The following GUCY1A1 variants were observed in gnomAD, a reference collection of about 807,000 sequenced individuals.
GUCY1A1 encodes guanylate cyclase 1 soluble subunit alpha 1, also known as guanylate cyclase soluble subunit alpha-1.
In GUCY1A1, 48 loss-of-function variants were observed where a neutral mutation model predicts 64.5. The ratio of observed to expected loss-of-function variants is 0.74; its 90% CI spans 0.59 to 0.95. The LOEUF (loss-of-function observed/expected upper bound fraction) is 0.95, where lower values mean the gene tolerates loss of function less well. GUCY1A1 is among the 40% of genes least tolerant of loss of function. The probability of loss-of-function intolerance (pLI) is 0.00; values close to 1 mark genes in which losing one functional copy is unlikely to be tolerated. For missense variants in GUCY1A1, 804 were observed against 825.3 expected, an observed-to-expected ratio of 0.97 and a Z score of 0.32; for synonymous variants, 308 against 303.4, an observed-to-expected ratio of 1.02 and a Z score of -0.16.
chr4:155,729,409 A>G (rs1303701949), intron 9 of GUCY1A1, among the ~76,000 whole-genome samples: 1 of 151,872 alleles, frequency 6.6e-6, no homozygotes, highest in East Asian at 1.9e-4. Flanking sequence ...ATAATGTGGT[A>G]AACAGATGAA....
intron 2 of GUCY1A1, among the ~76,000 whole-genome samples, chr4:155,687,799 C>T (rs578162661): frequency 9.9e-5 from 15 of 152,258 alleles, no homozygotes; most frequent in African/African-American, 2.4e-4. Context: ...TTAACTGCTA[C>T]GCCAACTCCA....
chr4:155,681,354 G>A (rs959658282), intron 2 of GUCY1A1, among the ~76,000 whole-genome samples: 1 of 152,050 alleles, frequency 6.6e-6, no homozygotes, highest in African/African-American at 2.4e-5. Context: ...ACAAATATAG[G>A]TAACAAAAGA....
chr4:155,711,426 T>A lies in GUCY1A1; in HGVS notation c.1086+175T>A. ...GAAAACAAAATTCTTTCTGCATTTGTTTGCTTACTTGATTCATTACTCCAA... is the reference window on the plus strand; with the variant it reads ...GAAAACAAAATTCTTTCTGCATTTGATTGCTTACTTGATTCATTACTCCAA... On this transcript the variant is annotated intron_variant, in intron 6 of 9. Coordinates refer to ENST00000506455, the MANE Select transcript of GUCY1A1 (RefSeq NM_001130682.3). The A allele has an allele frequency of 8.7e-6, 4 of 461,504 alleles. No homozygotes were observed. The East Asian group carries it at 1.3e-4, about 15-fold the overall frequency. 28.6% of individuals were successfully genotyped at this position (461,504 alleles called of 1,614,324 possible). A position where few individuals can be genotyped will look rare whatever the true frequency, so the allele number is the denominator to read the frequency against.
At position 155,734,800 on chromosome 4, in the gene GUCY1A1, A is replaced by G. The variant is rs1176932608; in HGVS notation, c.*4569A>G. On this transcript the variant is annotated 3_prime_UTR_variant, in exon 10 of 10. Coordinates refer to ENST00000506455, the MANE Select transcript of GUCY1A1 (RefSeq NM_001130682.3). ...CTTAACTTATTAAGCAGAGAAAACC[A>G]AAATGTCATTTTCAACCAAAATTGA... is the stretch of plus-strand genomic sequence containing the variant. The G allele has an allele frequency of 6.6e-6, 1 of 151,986 alleles. No homozygotes were observed. Among genetic ancestry groups the G allele is most frequent in the Non-Finnish European group, 1.5e-5 (1 of 67,938 alleles). The allele number at this position is 151,986 out of a possible 1,614,324, so 9.4% of individuals were successfully genotyped here.
chr4:155,672,017 CG>C (rs1485943097), intron 2 of GUCY1A1, among the ~76,000 whole-genome samples: 2 of 104,552 alleles, frequency 1.9e-5, no homozygotes, highest in African/African-American at 7.9e-5. Context: ...TTCCCCCCTC[CG>C]TTTTTTTTTT....
At chr4:155,674,359 A>AG (rs1440846921) in intron 2 of GUCY1A1, among the ~76,000 whole-genome samples, 7 of 151,214 alleles carry the variant, frequency 4.6e-5, no homozygotes, top group African/African-American at 1.7e-4. Context: ...ATCTAAAAAA[A>AG]AAAAAGAAAG....
In GUCY1A1 at chr4:155,710,917, C is replaced by A; in HGVS notation, c.752C>A (p.Pro251His). The A allele has an allele frequency of 6.2e-7, 1 of 1,614,044 alleles. No individual in the cohort carries two copies. Among genetic ancestry groups the A allele is most frequent in the East Asian group, 2.2e-5 (1 of 44,878 alleles). ...GATTGCAGCGAGTTTGTGAATCAGC[C>A]CTACTTGTTGTACTCCGTTCACATG... ...HNDCSEFVNQPYLLYSVHMKS... is the reference protein window; with the variant it reads ...HNDCSEFVNQHYLLYSVHMKS... The change falls in exon 6 of 10, where the codon CCC (proline) becomes CAC (histidine). Residue 251 changes from proline to histidine, a missense_variant. Transcript: ENST00000506455.
chr4:155,683,740 A>C (rs1736153529), intron 2 of GUCY1A1, among the ~76,000 whole-genome samples: 1 of 152,244 alleles, frequency 6.6e-6, no homozygotes, highest in African/African-American at 2.4e-5. Flanking sequence ...TATTAGCATG[A>C]TATATAGACG....
At chr4:155,701,392 C>A (rs1470568282) in intron 3 of GUCY1A1, among the ~76,000 whole-genome samples, 1 of 151,972 alleles carries the variant, frequency 6.6e-6, no homozygotes, top group African/African-American at 2.4e-5. Context: ...GGAAGGGGAC[C>A]ATTTCTCCTC....
At chr4:155,704,922 T>C (rs1672506680) in intron 4 of GUCY1A1, among the ~76,000 whole-genome samples, 1 of 152,184 alleles carries the variant, frequency 6.6e-6, no homozygotes, top group Non-Finnish European at 1.5e-5. Flanking sequence ...GGTCTTGCTC[T>C]GTCGCCTAGG....
rs201215034 is a variant in GUCY1A1, at chr4:155,697,131, G to T, written c.255+9G>T. On this transcript the variant is annotated intron_variant, in intron 3 of 9. Coordinates refer to ENST00000506455, the MANE Select transcript of GUCY1A1 (RefSeq NM_001130682.3). ...AACTGATTTTCCCAGAGGTGAGTGC[G>T]TGCTCTTTAGATTTTGAAATTGTAA... The T allele has an allele frequency of 6.2e-7, 1 of 1,601,078 alleles. No individual in the cohort carries two copies. Among genetic ancestry groups the T allele is most frequent in the Non-Finnish European group, 8.5e-7 (1 of 1,170,600 alleles).
chr4:155,711,924 A>T lies in GUCY1A1; in HGVS notation c.1086+673A>T, dbSNP rs575695778. Among the ~76,000 whole-genome samples the T allele has an allele frequency of 4.0e-3, 606 of 152,358 alleles. 5 individuals carry two copies. Among genetic ancestry groups the T allele is most frequent in the African/African-American group, 0.014 (582 of 41,588 alleles). ...AATAATAAAATATATTGAGATGTTT[A>T]AAAAATGAGTAATATTGAAAGGTGT... On this transcript the variant is annotated intron_variant, in intron 6 of 9. Coordinates refer to ENST00000506455, the MANE Select transcript of GUCY1A1 (RefSeq NM_001130682.3).
Position 155,713,558 on chromosome 4 carries a change from A to G in GUCY1A1, c.1547A>G (p.Gln516Arg). ...LNALYTRFDQ[Q>R]CGELDVYKVE... ...GCACTGTACACTCGCTTCGACCAGCAGTGTGGAGAGCTGGATGTCTACAAG... is the reference window on the plus strand; with the variant it reads ...GCACTGTACACTCGCTTCGACCAGCGGTGTGGAGAGCTGGATGTCTACAAG... Residue 516 changes from glutamine (Q) to arginine (R), a missense_variant, in exon 7 of 10, where the codon CAG becomes CGG. Transcript: ENST00000506455. The G allele has an allele frequency of 6.2e-7, 1 of 1,613,578 alleles. No homozygotes were observed. Among genetic ancestry groups the G allele is most frequent in the Non-Finnish European group, 8.5e-7 (1 of 1,179,582 alleles).
chr4:155,696,841 C>G lies in GUCY1A1; in HGVS notation c.-27C>G, dbSNP rs141361854. 1 of 1,608,180 alleles carries G rather than the reference C, an allele frequency of 6.2e-7. No homozygotes were observed. On this transcript the variant is annotated 5_prime_UTR_variant, in exon 3 of 10. In the 5' UTR this introduces an upstream ATG that the reference lacks. Coordinates refer to ENST00000506455, the MANE Select transcript of GUCY1A1 (RefSeq NM_001130682.3). ...GAACTACAGCTCATCAGGAGGAGAT[C>G]GCAGCAGGGTAAGAGACACCAACAC...
At chr4:155,725,903 T>G (rs1314610698) in intron 9 of GUCY1A1, among the ~76,000 whole-genome samples, 2 of 152,080 alleles carry the variant, frequency 1.3e-5, no homozygotes, top group Non-Finnish European at 2.9e-5. Flanking sequence ...TTTTTATTAC[T>G]GTGGTAACAC....
chr4:155,706,804 C>T (rs915669632), intron 4 of GUCY1A1, among the ~76,000 whole-genome samples: 4 of 152,314 alleles, frequency 2.6e-5, no homozygotes, highest in South Asian at 2.1e-4. Context: ...CTAAGCTTCG[C>T]TCATTTGGCA....
intron 2 of GUCY1A1, among the ~76,000 whole-genome samples, chr4:155,670,085 A>G (rs902163651): frequency 3.9e-5 from 6 of 152,214 alleles, no homozygotes; most frequent in African/African-American, 1.4e-4. Flanking sequence ...GGAAGCTGTT[A>G]CTGAGAATGA....
intron 2 of GUCY1A1, among the ~76,000 whole-genome samples, chr4:155,690,688 G>A (rs1187165155): frequency 6.6e-6 from 1 of 152,084 alleles, no homozygotes; most frequent in Non-Finnish European, 1.5e-5. Context: ...TTGGCCTGAC[G>A]CAGCTCAGAT....
chr4:155,673,305 CCTTGA>C (rs1245566928), intron 2 of GUCY1A1, among the ~76,000 whole-genome samples: 5 of 151,462 alleles, frequency 3.3e-5, no homozygotes, highest in African/African-American at 1.2e-4. Flanking sequence ...GACACACACT[CCTTGA>C]CTTGAAGGAA....
Sources: allele counts gnomAD v4.1 joint callset (sites outside exome capture counted in the v4.1 genomes callset), GRCh38; gene constraint gnomAD v4.1.1; transcripts MANE v1.5; gene names NCBI Gene and HGNC (gene_info 2026-07-23, HGNC 2026-07-21).